RCAN2: variants seen among roughly 807,000 people sequenced by gnomAD.
RCAN2 encodes regulator of calcineurin 2.
A neutral mutation model predicts 23.6 loss-of-function variants in RCAN2; 9 were observed. That is an observed-to-expected ratio of 0.38 (90% confidence interval 0.23 to 0.67). RCAN2 has a LOEUF of 0.67. RCAN2 is among the 30% of genes least tolerant of loss of function. The pLI, the probability that RCAN2 is intolerant of heterozygous loss-of-function variation, is 0.51. For missense variants in RCAN2, 273 were observed against 302.3 expected, an observed-to-expected ratio of 0.90 and a Z score of 0.72; for synonymous variants, 109 against 115.7, an observed-to-expected ratio of 0.94 and a Z score of 0.37.
At chr6:46,313,245 C>G (rs1036765332) in intron 2 of RCAN2, among the ~76,000 whole-genome samples, 2 of 152,184 alleles carry the variant, frequency 1.3e-5, no homozygotes, top group African/African-American at 4.8e-5. Context: ...ACTGGGCTTA[C>G]TCAAACCATG....
chr6:46,329,089 T>C (rs1763882186), intron 2 of RCAN2, among the ~76,000 whole-genome samples: 1 of 152,158 alleles, frequency 6.6e-6, no homozygotes, highest in African/African-American at 2.4e-5. Flanking sequence ...ATTGGCCTTA[T>C]TGGTGTTCCA....
chr6:46,491,123 G>A (rs1274194110), intron 1 of RCAN2, 50 bp downstream of exon 1: 1 of 151,130 alleles, frequency 6.6e-6, no homozygotes, highest in Non-Finnish European at 1.5e-5. Context: ...GTCAGCCCCG[G>A]CGGGACGGGG....
At chr6:46,308,408 T>C (rs1469466181) in intron 2 of RCAN2, among the ~76,000 whole-genome samples, 1 of 152,174 alleles carries the variant, frequency 6.6e-6, no homozygotes, top group African/African-American at 2.4e-5. Context: ...AAATTGGTTT[T>C]GCAACACAAC....
intron 2 of RCAN2, among the ~76,000 whole-genome samples, chr6:46,390,332 T>C (rs551906018): frequency 6.6e-6 from 1 of 152,348 alleles, no homozygotes; most frequent in South Asian, 2.1e-4. Flanking sequence ...CTACACATCA[T>C]GGATGAATGG....
intron 2 of RCAN2, among the ~76,000 whole-genome samples, chr6:46,415,238 G>A (rs1766674970): frequency 6.6e-6 from 1 of 152,118 alleles, no homozygotes; most frequent in South Asian, 2.1e-4. Flanking sequence ...GCGGAACCAG[G>A]GCACTAGCTG....
intron 2 of RCAN2, among the ~76,000 whole-genome samples, chr6:46,385,002 T>A (rs1765704726): frequency 1.3e-5 from 2 of 152,308 alleles, no homozygotes; most frequent in Admixed American, 1.3e-4. Context: ...AATGGCAGAA[T>A]GTTGATTAGT....
intron 2 of RCAN2, among the ~76,000 whole-genome samples, chr6:46,338,858 C>CA (rs1049677590): frequency 2.7e-5 from 4 of 150,892 alleles, no homozygotes; most frequent in South Asian, 2.1e-4. Context: ...AAAAAACATA[C>CA]AAAAAAAATA....
At chr6:46,406,202 A>C (rs1192292167) in intron 2 of RCAN2, among the ~76,000 whole-genome samples, 1 of 152,190 alleles carries the variant, frequency 6.6e-6, no homozygotes, top group Non-Finnish European at 1.5e-5. Context: ...CCAGCCCAGA[A>C]AGGGGCTCTC....
intron 2 of RCAN2, among the ~76,000 whole-genome samples, chr6:46,304,366 G>A (rs577456288): frequency 6.6e-6 from 1 of 152,192 alleles, no homozygotes; most frequent in Admixed American, 6.5e-5. Flanking sequence ...CTTCCAGACT[G>A]TAGCTTTCCT....
chr6:46,248,405 T>C (rs568888336), intron 3 of RCAN2, among the ~76,000 whole-genome samples: 2 of 152,294 alleles, frequency 1.3e-5, no homozygotes, highest in South Asian at 2.1e-4. Flanking sequence ...TTGCCAAATA[T>C]TAGGCACTTA....
chr6:46,420,443 T>G (rs901884511), intron 2 of RCAN2, among the ~76,000 whole-genome samples: 45 of 152,062 alleles, frequency 3.0e-4, no homozygotes, highest in African/African-American at 9.7e-4. Context: ...CATGAAGAAG[T>G]GATTCTCTGA....
chr6:46,461,916 A>G (rs145928209), intron 1 of RCAN2, among the ~76,000 whole-genome samples: 2,815 of 152,234 alleles, frequency 0.018, 78 homozygotes, highest in African/African-American at 0.064. Flanking sequence ...CAGAATGGAG[A>G]AGGAACATGG....
chr6:46,386,663 G>A (rs991311189), intron 2 of RCAN2, among the ~76,000 whole-genome samples: 3 of 148,786 alleles, frequency 2.0e-5, no homozygotes, highest in Non-Finnish European at 4.4e-5. Context: ...ACCATCTCAC[G>A]CTATCATGCC....
chr6:46,343,557 A>C (rs1764397179), intron 2 of RCAN2, among the ~76,000 whole-genome samples: 1 of 151,908 alleles, frequency 6.6e-6, no homozygotes, highest in Non-Finnish European at 1.5e-5. Context: ...TTGTATTTTT[A>C]GTAGAGACGG....
At chr6:46,486,817 C>A (rs1434161835) in intron 1 of RCAN2, among the ~76,000 whole-genome samples, 1 of 152,116 alleles carries the variant, frequency 6.6e-6, no homozygotes, top group Non-Finnish European at 1.5e-5. Flanking sequence ...TTCTGAACTG[C>A]AGGGAGTTTG....
intron 2 of RCAN2, among the ~76,000 whole-genome samples, chr6:46,345,251 G>T (rs6914425): frequency 0.026 from 3,987 of 152,040 alleles, 163 homozygotes; most frequent in African/African-American, 0.087. Flanking sequence ...CAAAATACAT[G>T]AAACAGAATT....
intron 4 of RCAN2, among the ~76,000 whole-genome samples, chr6:46,238,581 CTT>C (rs1238179215): frequency 6.6e-6 from 1 of 152,200 alleles, no homozygotes; most frequent in Non-Finnish European, 1.5e-5. Flanking sequence ...CAGGAACTCA[CTT>C]TGCTCTGTCA....
intron 2 of RCAN2, among the ~76,000 whole-genome samples, chr6:46,449,573 G>GT (rs1439302432): frequency 3.8e-4 from 57 of 150,802 alleles, no homozygotes; most frequent in African/African-American, 1.3e-3. Flanking sequence ...GAAAAAAGCT[G>GT]ACTACAAAGC....
chr6:46,270,750 G>C (rs1320919792), intron 2 of RCAN2, among the ~76,000 whole-genome samples: 2 of 152,164 alleles, frequency 1.3e-5, no homozygotes, highest in South Asian at 4.1e-4. Context: ...GATGAAGCAA[G>C]CTGCTGTGGT....
Sources: gnomAD v4.1 joint callset for allele counts (sites outside exome capture counted in the v4.1 genomes callset) on GRCh38, gnomAD v4.1.1 for gene constraint, MANE v1.5 for transcripts, NCBI Gene and HGNC (gene_info 2026-07-23, HGNC 2026-07-21) for gene names.